The following AGBL1 variants were observed in gnomAD, a reference collection of about 807,000 sequenced individuals.
AGBL1 encodes AGBL carboxypeptidase 1, also known as cytosolic carboxypeptidase 4.
AGBL1 carries 130 observed loss-of-function variants against 118.9 expected under a neutral mutation model. The ratio of observed to expected loss-of-function variants is 1.09; its 90% CI spans 0.95 to 1.26. AGBL1 has a LOEUF of 1.26. Among genes scored for constraint, AGBL1 ranks in the 50% most tolerant of loss-of-function variants. AGBL1 has a pLI of 0.00. For missense variants in AGBL1, 1,584 were observed against 1,298.1 expected (o/e 1.22, Z -3.38); for synonymous variants, 555 against 478.9 (o/e 1.16, Z -2.08).
At chr15:86,952,089 T>C (rs2141671960) in intron 23 of AGBL1, among the ~76,000 whole-genome samples, 1 of 151,996 alleles carries the variant, frequency 6.6e-6, no homozygotes, top group East Asian at 1.9e-4. Context: ...AAATTAGTTG[T>C]GTGTGGTGGC....
chr15:86,456,947 A>G (rs1306465342), intron 18 of AGBL1, among the ~76,000 whole-genome samples: 2 of 152,212 alleles, frequency 1.3e-5, no homozygotes, highest in African/African-American at 4.8e-5. Flanking sequence ...AGACAGATAC[A>G]TTTATTAAGT....
intron 15 of AGBL1, among the ~76,000 whole-genome samples, chr15:86,274,957 T>C (rs1350880563): frequency 6.6e-6 from 1 of 152,076 alleles, no homozygotes; most frequent in Non-Finnish European, 1.5e-5. Flanking sequence ...TTCCCCACCT[T>C]GATGACCACT....
At chr15:86,523,149 C>T (rs775388953) in intron 19 of AGBL1, among the ~76,000 whole-genome samples, 1 of 152,230 alleles carries the variant, frequency 6.6e-6, no homozygotes, top group Non-Finnish European at 1.5e-5. Flanking sequence ...AGAAACTTAT[C>T]TCACATTTCT....
At chr15:86,500,972 T>G (rs1011120838) in intron 18 of AGBL1, among the ~76,000 whole-genome samples, 6 of 151,756 alleles carry the variant, frequency 4.0e-5, no homozygotes, top group African/African-American at 1.5e-4. Context: ...ATGTGCAAGA[T>G]TTTATGTGGA....
At chr15:86,128,138 C>T (rs2076772047) in intron 1 of AGBL1, among the ~76,000 whole-genome samples, 2 of 152,116 alleles carry the variant, frequency 1.3e-5, no homozygotes, top group Non-Finnish European at 2.9e-5. Flanking sequence ...TAAAGACATA[C>T]TTGAGACTGG....
intron 24 of AGBL1, among the ~76,000 whole-genome samples, chr15:87,009,523 A>T (rs762069490): frequency 1.3e-5 from 2 of 152,222 alleles, no homozygotes; most frequent in Non-Finnish European, 2.9e-5. Flanking sequence ...CCCCACACAG[A>T]GTCCCCACTG....
At chr15:86,498,796 T>C (rs1292946403) in intron 18 of AGBL1, among the ~76,000 whole-genome samples, 2 of 151,860 alleles carry the variant, frequency 1.3e-5, no homozygotes, top group Non-Finnish European at 2.9e-5. Flanking sequence ...CTATGAGCAG[T>C]GAAGGCAGGA....
chr15:86,377,030 A>C (rs2067860418), intron 17 of AGBL1, among the ~76,000 whole-genome samples: 1 of 152,204 alleles, frequency 6.6e-6, no homozygotes, highest in African/African-American at 2.4e-5. Context: ...TGGGAAAGCC[A>C]GATAGAGTGG....
intron 22 of AGBL1, among the ~76,000 whole-genome samples, chr15:86,708,611 A>T (rs575613241): frequency 6.6e-6 from 1 of 152,290 alleles, no homozygotes; most frequent in Admixed American, 6.5e-5. Flanking sequence ...GCCAGATTTC[A>T]AAAAATCTTT....
At chr15:86,542,350 A>C (rs1056616270) in intron 19 of AGBL1, among the ~76,000 whole-genome samples, 1 of 132,398 alleles carries the variant, frequency 7.6e-6, no homozygotes, top group Non-Finnish European at 1.6e-5. Flanking sequence ...GGATGCCACC[A>C]TTGAGATTTT....
chr15:86,143,373 C>T (rs997523234), intron 2 of AGBL1, among the ~76,000 whole-genome samples: 1 of 152,138 alleles, frequency 6.6e-6, no homozygotes, highest in African/African-American at 2.4e-5. Flanking sequence ...TATTCAAAAG[C>T]CCATATGCAT....
At chr15:86,429,874 T>G (rs2081913668) in intron 18 of AGBL1, among the ~76,000 whole-genome samples, 1 of 152,198 alleles carries the variant, frequency 6.6e-6, no homozygotes, top group South Asian at 2.1e-4. Flanking sequence ...ATGCATTGAC[T>G]TTGATATTCT....
At chr15:86,573,461 T>G (rs978575592) in intron 21 of AGBL1, among the ~76,000 whole-genome samples, 7 of 152,186 alleles carry the variant, frequency 4.6e-5, no homozygotes, top group African/African-American at 1.4e-4. Flanking sequence ...AAATGTTGGT[T>G]GTGTATGTGT....
intron 5 of AGBL1, among the ~76,000 whole-genome samples, chr15:86,191,789 A>G (rs556519540): frequency 6.6e-6 from 1 of 151,986 alleles, no homozygotes; most frequent in South Asian, 2.1e-4. Flanking sequence ...TTTATTTATA[A>G]TAACATATGA....
At position 86,615,050 on chromosome 15, in the gene AGBL1, C is replaced by A. The variant is rs1049834373; in HGVS notation, c.2995-59223C>A. Reference sequence around the variant, plus strand: ...AATTTGGATAAAGTAATTAGGATACCAAAAGGATGGGCCTTTAGAAAAGGT... The same window carrying A: ...AATTTGGATAAAGTAATTAGGATACAAAAAGGATGGGCCTTTAGAAAAGGT... On this transcript the variant is annotated intron_variant, in intron 21 of 22. Transcript: ENST00000614907. The surrounding 1 kb of genome is among the most constrained non-coding windows in gnomAD (Gnocchi z 4.3). Among the ~76,000 whole-genome samples the A allele has an allele frequency of 6.6e-6, 1 of 152,052 alleles. No homozygotes were observed. Among genetic ancestry groups the A allele is most frequent in the Non-Finnish European group, 1.5e-5 (1 of 68,010 alleles).
intron 5 of AGBL1, among the ~76,000 whole-genome samples, chr15:86,201,009 T>C (rs1214776426): frequency 6.6e-6 from 1 of 152,170 alleles, no homozygotes. Context: ...ACAAGGCATA[T>C]AGTAATAGTA....
At chr15:86,825,020 G>A (rs549651436) in intron 22 of AGBL1, among the ~76,000 whole-genome samples, 1 of 152,188 alleles carries the variant, frequency 6.6e-6, no homozygotes, top group African/African-American at 2.4e-5. Context: ...TTGTGCCACT[G>A]CACTCCAGCC....
chr15:86,595,065 G>A (rs985865477), intron 21 of AGBL1, among the ~76,000 whole-genome samples: 6 of 152,048 alleles, frequency 3.9e-5, no homozygotes, highest in African/African-American at 1.4e-4. Flanking sequence ...GACCTCTCTG[G>A]CTGCTATTGT....
At chr15:86,326,422 G>C (rs563541875) in intron 17 of AGBL1, among the ~76,000 whole-genome samples, 1 of 152,138 alleles carries the variant, frequency 6.6e-6, no homozygotes, top group African/African-American at 2.4e-5. Flanking sequence ...GAAGGGTATA[G>C]AGAATGATTT....
Sources: gnomAD v4.1 joint callset for allele counts (sites outside exome capture counted in the v4.1 genomes callset) on GRCh38, gnomAD v4.1.1 for gene constraint, Gnocchi (gnomAD v3.1) non-coding constraint, MANE v1.5 for transcripts, NCBI Gene and HGNC (gene_info 2026-07-23, HGNC 2026-07-21) for gene names.